Variants in CSMD1 observed in about 807,000 individuals in gnomAD.
CSMD1 encodes CUB and sushi domain-containing protein 1.
A neutral mutation model predicts 417.5 loss-of-function variants in CSMD1; 213 were observed. The observed-to-expected ratio is 0.51, with a 90% CI of 0.46 to 0.57. CSMD1 has a LOEUF of 0.57. Ranked by LOEUF, CSMD1 falls within the 20% of genes least tolerant of loss-of-function variation. CSMD1 has a pLI of 0.00. For synonymous variants in CSMD1, 2,862 were observed against 1,736.8 expected, an observed-to-expected ratio of 1.65 and a Z score of -16.11; for missense variants, 6,923 against 4,529.7, an observed-to-expected ratio of 1.53 and a Z score of -15.17.
intron 45 of CSMD1, 79 bp from the exon 46 acceptor site, chr8:3,106,720 C>T (rs1816173715): frequency 1.5e-6 from 1 of 660,452 alleles, no homozygotes. Flanking sequence ...TGTAGGACTA[C>T]TTAAATGAAT....
intron 46 of CSMD1, 33 bp downstream of exon 46, chr8:3,106,495 G>A: frequency 7.6e-7 from 1 of 1,324,180 alleles, no homozygotes; most frequent in Non-Finnish European, 1.1e-6. Context: ...TGTTGAATAA[G>A]TTTATGTAGT....
chr8:4,582,423 G>C (rs570313553), intron 2 of CSMD1, among the ~76,000 whole-genome samples: 1 of 152,308 alleles, frequency 6.6e-6, no homozygotes, highest in East Asian at 1.9e-4. Flanking sequence ...TGAGGAGCCA[G>C]AATAACGGAG....
In CSMD1 at chr8:2,937,958, C is replaced by T. The variant is rs915270426; in HGVS notation, c.*627G>A. 6.6e-6 allele frequency: 1 copy of T among 152,564 alleles called. No homozygotes were observed. Among genetic ancestry groups the T allele is most frequent in the African/African-American group, 2.4e-5 (1 of 41,420 alleles). 9.5% of individuals were successfully genotyped at this position (152,564 alleles called of 1,614,324 possible). ...AAAAAATTGTGCATTAAACATTCTG[C>T]GACAGAACAGCTGACTGGGAAATTG... On this transcript the variant is annotated 3_prime_UTR_variant, in exon 70 of 70. Coordinates refer to ENST00000635120, the MANE Select transcript of CSMD1 (RefSeq NM_033225.6).
At chr8:3,999,983 A>G (rs1007104896) in intron 4 of CSMD1, among the ~76,000 whole-genome samples, 12 of 152,234 alleles carry the variant, frequency 7.9e-5, no homozygotes, top group African/African-American at 2.7e-4. Context: ...TTATGCTACC[A>G]CGGTAGTGTT....
chr8:4,417,245 C>T (rs948339049), intron 3 of CSMD1, among the ~76,000 whole-genome samples: 3 of 151,910 alleles, frequency 2.0e-5, no homozygotes, highest in African/African-American at 4.8e-5. Context: ...AATGACTGAA[C>T]ACGTTGATTA....
At chr8:3,871,890 T>C (rs1224277302) in intron 5 of CSMD1, among the ~76,000 whole-genome samples, 1 of 152,198 alleles carries the variant, frequency 6.6e-6, no homozygotes, top group East Asian at 1.9e-4. Flanking sequence ...GGTGTTGATT[T>C]TGAAATAAAG....
At chr8:4,496,958 C>T (rs763689775) in intron 2 of CSMD1, among the ~76,000 whole-genome samples, 1 of 152,056 alleles carries the variant, frequency 6.6e-6, no homozygotes, top group Non-Finnish European at 1.5e-5. Flanking sequence ...AAACTAATAG[C>T]TTACAAAGCT....
intron 3 of CSMD1, among the ~76,000 whole-genome samples, chr8:4,117,593 T>C (rs1802229125): frequency 6.6e-6 from 1 of 152,204 alleles, no homozygotes; most frequent in Admixed American, 6.5e-5. Context: ...AATGATTATT[T>C]TTTACAAAGG....
At chr8:4,075,841 C>G (rs147877837) in intron 3 of CSMD1, among the ~76,000 whole-genome samples, 1 of 152,082 alleles carries the variant, frequency 6.6e-6, no homozygotes, top group East Asian at 1.9e-4. Flanking sequence ...AGGAAGCAGG[C>G]TATTGTCCTC....
rs553697499 is a variant in CSMD1 at position 3,254,188 on chromosome 8, T to A, written c.4154-23957A>T. 2.0e-5 allele frequency among the ~76,000 whole-genome samples: 3 copies of A among 152,340 alleles called. No homozygotes were observed. In the South Asian group the frequency reaches 6.2e-4, roughly 32 times the overall value. ...GGTTGAAAGTTCTTTTCTTTAAGAA[T>A]GTGGAATATTGGCCCCCACTCTCTT... On this transcript the variant is annotated intron_variant, in intron 26 of 69. Transcript: ENST00000635120.
intron 10 of CSMD1, 93 bp downstream of exon 10, chr8:3,574,852 C>T: frequency 6.4e-6 from 9 of 1,400,706 alleles, no homozygotes; most frequent in Non-Finnish European, 7.8e-6. Context: ...AAAGTGTAAG[C>T]ACGGATAGCA....
chr8:3,300,191 CAAAAT>C (rs932871394), intron 25 of CSMD1, among the ~76,000 whole-genome samples: 1 of 151,722 alleles, frequency 6.6e-6, no homozygotes, highest in Admixed American at 6.6e-5. Context: ...TTTATTAACT[CAAAAT>C]AAATGTTCAG....
At chr8:4,486,140 T>C (rs868224323) in intron 2 of CSMD1, among the ~76,000 whole-genome samples, 2 of 31,234 alleles carry the variant, frequency 6.4e-5, no homozygotes, top group African/African-American at 1.4e-4. Context: ...TATATATACA[T>C]ACATATATAT....
intron 5 of CSMD1, among the ~76,000 whole-genome samples, chr8:3,984,933 C>A (rs575458104): frequency 9.9e-5 from 15 of 151,832 alleles, no homozygotes; most frequent in African/African-American, 3.6e-4. Flanking sequence ...TCATTATAAG[C>A]CTTTAAAATT....
intron 3 of CSMD1, among the ~76,000 whole-genome samples, chr8:4,350,436 C>A (rs199991855): frequency 1.1e-4 from 17 of 152,182 alleles, no homozygotes; most frequent in Admixed American, 1.0e-3. Context: ...CATCAACCAA[C>A]CTTGATTCAC....
chr8:4,975,014 G>C lies in CSMD1; in HGVS notation c.85+19318C>G, dbSNP rs62489454. 4.0e-3 allele frequency among the ~76,000 whole-genome samples: 612 copies of C among 152,192 alleles called. 2 individuals are homozygous for C. The highest frequency in any genetic ancestry group is 0.014 in the Middle Eastern group (4 of 294). The stretch of plus-strand genomic sequence containing the variant: ...GTGAGAAAATGGATGTTTTTTTCTA[G>C]AGCTCTACTAGAAGGCATTCACATA... On this transcript the variant is annotated intron_variant, in intron 1 of 69. Transcript: ENST00000635120.
chr8:3,481,057 G>A (rs974381434), intron 11 of CSMD1, among the ~76,000 whole-genome samples: 3 of 150,524 alleles, frequency 2.0e-5, no homozygotes, highest in Non-Finnish European at 4.4e-5. Flanking sequence ...TAGGGAGGCT[G>A]AGGCAGGAGA....
In CSMD1 at chr8:2,938,291, AGTATGAC is replaced by A. The variant is rs112788627; in HGVS notation, c.*287_*293del. 2,006 of 327,974 alleles carry A rather than the reference AGTATGAC, an allele frequency of 6.1e-3. 33 individuals are homozygous for A. The highest frequency in any genetic ancestry group is 0.039 in the African/African-American group (1,846 of 47,256). The allele number at this position is 327,974 out of a possible 1,614,324, so 20.3% of individuals were successfully genotyped here. On this transcript the variant is annotated 3_prime_UTR_variant, in exon 70 of 70. Coordinates refer to ENST00000635120, the MANE Select transcript of CSMD1 (RefSeq NM_033225.6). Reference sequence around the variant, plus strand: ...AGAAATATGAAAGTCTGAGGCATTGAGTATGACGTGTTGGCGCGACGTGGCAGTCTTC... The same window carrying A: ...AGAAATATGAAAGTCTGAGGCATTGAGTGTTGGCGCGACGTGGCAGTCTTC...
intron 3 of CSMD1, among the ~76,000 whole-genome samples, chr8:4,191,371 G>T (rs756361163): frequency 2.0e-5 from 3 of 151,892 alleles, no homozygotes; most frequent in Non-Finnish European, 2.9e-5. Context: ...ACTCCAGCCT[G>T]GGCAACAGAG....
Sources: allele counts gnomAD v4.1 joint callset (sites outside exome capture counted in the v4.1 genomes callset), GRCh38; gene constraint gnomAD v4.1.1; transcripts MANE v1.5; gene names NCBI Gene and HGNC (gene_info 2026-07-23, HGNC 2026-07-21).